Variants in SDSL observed in about 807,000 individuals in gnomAD.
SDSL encodes serine dehydratase-like.
A neutral mutation model predicts 27.6 loss-of-function variants in SDSL; 26 were observed. The ratio of observed to expected loss-of-function variants is 0.94; its 90% CI spans 0.69 to 1.31. The LOEUF is 1.31. Ranked by LOEUF, SDSL falls within the 50% of genes most tolerant of loss-of-function variation. SDSL has a pLI of 0.00. For missense variants in SDSL, 431 were observed against 423.5 expected (o/e 1.02, Z -0.16); for synonymous variants, 196 against 180.6 (o/e 1.09, Z -0.69).
intron 4 of SDSL, among the ~76,000 whole-genome samples, chr12:113,433,801 C>T (rs181530474): frequency 2.0e-5 from 3 of 152,316 alleles, no homozygotes; most frequent in East Asian, 3.9e-4. Flanking sequence ...GGGGGCTTCT[C>T]CCCTACTGGT....
chr12:113,429,058 A>C, intron 3 of SDSL, 102 bp from the exon 4 acceptor site: 1 of 1,389,168 alleles, frequency 7.2e-7, no homozygotes, highest in Non-Finnish European at 9.8e-7. Context: ...GGGCATATGA[A>C]TGTTGGGGAC....
chr12:113,436,938 A>G, intron 7 of SDSL, 63 bp downstream of exon 7: 1 of 1,458,320 alleles, frequency 6.9e-7, no homozygotes, highest in Middle Eastern at 1.8e-4. Context: ...TCCTCTAGCA[A>G]GAGTGTGTTC....
At chr12:113,434,025 TC>T in intron 4 of SDSL, 108 bp from the exon 5 acceptor site, 1 of 837,184 alleles carries the variant, frequency 1.2e-6, no homozygotes, top group African/African-American at 1.7e-5. Context: ...TGCAGGGCTG[TC>T]CCCAGACTAC....
rs778356649 is a variant in SDSL, at chr12:113,427,973, G to C, written c.-10G>C. The C allele has an allele frequency of 1.9e-6, 3 of 1,606,892 alleles. No individual in the cohort carries two copies. Among genetic ancestry groups the C allele is most frequent in the South Asian group, 2.2e-5 (2 of 89,830 alleles). On this transcript the variant is annotated 5_prime_UTR_variant, in exon 2 of 8. Transcript: ENST00000403593. ...GTGTCCTCCTGCAGGCTGTCTACCTGGTCTCCAGAATGGACGGCCCTGTGG... is the reference window on the plus strand; with the variant it reads ...GTGTCCTCCTGCAGGCTGTCTACCTCGTCTCCAGAATGGACGGCCCTGTGG...
rs1957977646 is a variant in SDSL at position 113,435,431 on chromosome 12, G to A, written c.546G>A (p.Val182=). 6.2e-7 allele frequency: 1 copy of A among 1,613,558 alleles called. No homozygotes were observed. Among genetic ancestry groups the A allele is most frequent in the Admixed American group, 1.7e-5 (1 of 59,988 alleles). Residue 182 remains valine, a synonymous_variant, in exon 6 of 8, where the codon GTG becomes GTA. Coordinates refer to ENST00000403593, the MANE Select transcript of SDSL (RefSeq NM_001304993.2). The stretch of plus-strand genomic sequence containing the variant: ...GGGGTGGGGGTCTCCTGGCCGGGGT[G>A]GTGGCTGGCCTGCTGGAGGTGGGCT... ...AVGGGGLLAG[V]VAGLLEVGWQ... is the part of the protein sequence containing the mutation.
In SDSL at chr12:113,435,358, T is replaced by C. The variant is rs748669958; in HGVS notation, c.473T>C (p.Leu158Pro). 1.1e-5 allele frequency: 18 copies of C among 1,573,070 alleles called. No individual in the cohort carries two copies. Among genetic ancestry groups the C allele is most frequent in the Middle Eastern group, 2.0e-4 (1 of 4,942 alleles). The change falls in exon 6 of 8, where the codon CTG becomes CCG. Residue 158 changes from leucine (L) to proline (P), a missense_variant. Coordinates refer to ENST00000403593, the MANE Select transcript of SDSL (RefSeq NM_001304993.2). ...WKGHASLVQE[L>P]KAVLRTPPGA... ...GGCCACGCCAGCCTGGTGCAGGAGCTGAAAGCAGTGCTGAGGACCCCACCA... is the reference window on the plus strand; with the variant it reads ...GGCCACGCCAGCCTGGTGCAGGAGCCGAAAGCAGTGCTGAGGACCCCACCA...
intron 4 of SDSL, among the ~76,000 whole-genome samples, chr12:113,429,850 A>G (rs1316788846): frequency 6.6e-6 from 1 of 152,122 alleles, no homozygotes; most frequent in Non-Finnish European, 1.5e-5. Context: ...AAGCCAAACT[A>G]TGGTACGTTA....
chr12:113,425,691 C>T (rs1485214459), intron 1 of SDSL: 1 of 455,890 alleles, frequency 2.2e-6, no homozygotes, highest in South Asian at 1.5e-5. Context: ...CACAGCTCCT[C>T]GGCTTCAAAC....
chr12:113,426,762 A>T (rs979612003), intron 1 of SDSL, among the ~76,000 whole-genome samples: 5 of 152,094 alleles, frequency 3.3e-5, no homozygotes, highest in Non-Finnish European at 5.9e-5. Context: ...ACATAGTGAG[A>T]CCCTATCTCT....
At position 113,436,768 on chromosome 12, in the gene SDSL, G is replaced by A. The variant is rs1430474496; in HGVS notation, c.689G>A (p.Gly230Asp). 1 of 1,609,270 alleles carries A rather than the reference G, an allele frequency of 6.2e-7. No individual in the cohort carries two copies. The highest frequency in any genetic ancestry group is 8.5e-7 in the Non-Finnish European group (1 of 1,179,182). Residue 230 changes from glycine to aspartate, a missense_variant, in exon 7 of 8, where the codon GGT becomes GAT. Physicochemically the swap from Gly to Asp is moderately conservative, Grantham distance 94. Transcript: ENST00000403593. ...TCCTGCAGTGTGGCCAAGAGCCTGG[G>A]TGCCAAGACGGTGGCCGCTCGGGCC... ...PDITSVAKSL[G>D]AKTVAARALE...
intron 4 of SDSL, among the ~76,000 whole-genome samples, chr12:113,432,375 C>T (rs1957945559): frequency 6.6e-6 from 1 of 151,512 alleles, no homozygotes; most frequent in Non-Finnish European, 1.5e-5. Flanking sequence ...GACAGTCTTG[C>T]TCTGTTGCCA....
chr12:113,434,181 C>T lies in SDSL; in HGVS notation c.402C>T (p.Asp134=), dbSNP rs369462877. ...NLRAQELAKR[D]GWENVPPFDH... ...GGGCGCAAGAGTTGGCCAAGAGGGA[C>T]GGCTGGGAGAATGTCCCCCCGTTTG... Residue 134 remains aspartate (D), a synonymous_variant, in exon 5 of 8, where the codon GAC becomes GAT. Transcript: ENST00000403593. The T allele has an allele frequency of 2.2e-5, 36 of 1,613,658 alleles. No homozygotes were observed. The highest frequency in any genetic ancestry group is 1.7e-4 in the Middle Eastern group (1 of 6,058).
At chr12:113,424,345 C>A (rs1371932316) in intron 1 of SDSL, among the ~76,000 whole-genome samples, 1 of 152,168 alleles carries the variant, frequency 6.6e-6, no homozygotes, top group Non-Finnish European at 1.5e-5. Flanking sequence ...TTAATGGTCA[C>A]TTCCTCTAAG....
intron 2 of SDSL, 104 bp from the exon 3 acceptor site, chr12:113,428,316 A>G: frequency 2.3e-6 from 3 of 1,327,228 alleles, no homozygotes; most frequent in Non-Finnish European, 3.1e-6. Flanking sequence ...GATGAGGGGT[A>G]AAGGCGTATT....
At position 113,435,309 on chromosome 12, in the gene SDSL, C is replaced by G; in HGVS notation, c.444-20C>G. The G allele has an allele frequency of 1.4e-6, 2 of 1,475,782 alleles. No individual in the cohort carries two copies. The allele number at this position is 1,475,782 out of a possible 1,614,324, so 91.4% of individuals were successfully genotyped here. A position where few individuals can be genotyped will look rare whatever the true frequency, so the allele number is the denominator to read the frequency against. Reference sequence around the variant, plus strand: ...GGGTCCTCCCTCACTCTGCTTCTCCCTCTCACCCCCCCTCCCCAGGAAAGG... The same window carrying G: ...GGGTCCTCCCTCACTCTGCTTCTCCGTCTCACCCCCCCTCCCCAGGAAAGG... On this transcript the variant is annotated intron_variant, in intron 5 of 7. Transcript: ENST00000403593.
rs756301601 is a variant in SDSL, at chr12:113,429,256, A to G, written c.311A>G (p.Gln104Arg). The change falls in exon 4 of 8, where the codon CAG (glutamine) becomes CGG (arginine). Residue 104 changes from glutamine (Q) to arginine (R), a missense_variant. Coordinates refer to ENST00000403593, the MANE Select transcript of SDSL (RefSeq NM_001304993.2). ...LPESTSLQVVQRLQGEGAEVQ... is the reference protein window; with the variant it reads ...LPESTSLQVVRRLQGEGAEVQ... ...GAGAGCACCTCCCTGCAGGTGGTGC[A>G]GAGGCTGCAGGGGGAGGGGGCCGAG... 1 of 1,613,418 alleles carries G rather than the reference A, an allele frequency of 6.2e-7. No individual in the cohort carries two copies. The highest frequency in any genetic ancestry group is 8.5e-7 in the Non-Finnish European group (1 of 1,179,518).
chr12:113,426,757 G>C (rs1957855828), intron 1 of SDSL, among the ~76,000 whole-genome samples: 1 of 152,138 alleles, frequency 6.6e-6, no homozygotes, highest in Admixed American at 6.5e-5. Flanking sequence ...GGGCAACATA[G>C]TGAGACCCTA....
At chr12:113,433,049 G>C (rs1957953935) in intron 4 of SDSL, among the ~76,000 whole-genome samples, 1 of 152,206 alleles carries the variant, frequency 6.6e-6, no homozygotes, top group African/African-American at 2.4e-5. Flanking sequence ...GGATTGCTGG[G>C]TCAAATGGTA....
Position 113,435,570 on chromosome 12 carries a change from G to T in SDSL, c.671+14G>T, listed in dbSNP as rs777984254. On this transcript the variant is annotated intron_variant, in intron 6 of 7. Transcript: ENST00000403593. ...AGACATCACCAGGTGGGTAAGGGCT[G>T]GGGACATTTGTAGGGGCTGGAGGGT... 7.5e-6 allele frequency: 12 copies of T among 1,606,208 alleles called. No homozygotes were observed. The highest frequency in any genetic ancestry group is 9.4e-6 in the Non-Finnish European group (11 of 1,174,630).
Sources: gnomAD v4.1 joint callset for allele counts (sites outside exome capture counted in the v4.1 genomes callset) on GRCh38, gnomAD v4.1.1 for gene constraint, MANE v1.5 for transcripts, NCBI Gene and HGNC (gene_info 2026-07-23, HGNC 2026-07-21) for gene names.